Variants in SPATA13 observed in about 807,000 individuals in gnomAD.
SPATA13 encodes spermatogenesis associated 13.
Under a neutral mutation model 104.0 loss-of-function variants are expected in SPATA13, and 50 were observed. That is an observed-to-expected ratio of 0.48 (90% CI 0.38 to 0.61). The LOEUF is 0.61. Among genes scored for constraint, SPATA13 ranks in the 20% least tolerant of loss-of-function variants. The pLI is 0.00. For missense variants in SPATA13, 1,524 were observed against 1,690.6 expected, an observed-to-expected ratio of 0.90 and a Z score of 1.73; for synonymous variants, 606 against 667.5, an observed-to-expected ratio of 0.91 and a Z score of 1.42.
At chr13:24,152,838 T>G (rs185218221) in intron 3 of SPATA13, among the ~76,000 whole-genome samples, 37 of 151,216 alleles carry the variant, frequency 2.4e-4, no homozygotes, top group African/African-American at 8.1e-4. Flanking sequence ...CAGCTTTCTC[T>G]CTCTCTCTCT....
intron 1 of SPATA13, among the ~76,000 whole-genome samples, chr13:24,184,071 T>G (rs759520061): frequency 6.6e-6 from 1 of 152,046 alleles, no homozygotes; most frequent in Non-Finnish European, 1.5e-5. Flanking sequence ...TTGAGAAGTG[T>G]GGAGGAGAGC....
intron 2 of SPATA13, among the ~76,000 whole-genome samples, chr13:24,226,771 GC>G (rs1368581248): frequency 6.6e-6 from 1 of 152,218 alleles, no homozygotes. Context: ...AGCCAGGACA[GC>G]CTCTGCACTG....
intron 1 of SPATA13, among the ~76,000 whole-genome samples, chr13:24,176,171 T>C (rs535084300): frequency 6.6e-6 from 1 of 152,338 alleles, no homozygotes; most frequent in African/African-American, 2.4e-5. Context: ...TTTTTTGTTT[T>C]ATTTCTTGAG....
intron 3 of SPATA13, among the ~76,000 whole-genome samples, chr13:24,112,621 G>T (rs1190724592): frequency 1.3e-5 from 2 of 152,098 alleles, no homozygotes; most frequent in Non-Finnish European, 2.9e-5. Flanking sequence ...GTTCTTATCA[G>T]CTAAACACAA....
intron 1 of SPATA13, among the ~76,000 whole-genome samples, chr13:24,191,233 C>T (rs1243114252): frequency 6.6e-6 from 1 of 152,114 alleles, no homozygotes. Context: ...GCCTCGGCCT[C>T]CCAAAATGTT....
chr13:24,090,976 A>G (rs1228662937), intron 3 of SPATA13, among the ~76,000 whole-genome samples: 1 of 152,190 alleles, frequency 6.6e-6, no homozygotes, highest in Non-Finnish European at 1.5e-5. Context: ...GTCTGATTCT[A>G]TAAAGTCTGC....
intron 3 of SPATA13, among the ~76,000 whole-genome samples, chr13:24,077,262 C>CAAAAAAA (rs60810328): frequency 2.1e-4 from 15 of 73,006 alleles, no homozygotes; most frequent in East Asian, 4.2e-4. Context: ...GACTCCATGT[C>CAAAAAAA]AAAAAAAAAA....
intron 3 of SPATA13, chr13:24,017,818 C>G (rs994329012): frequency 2.2e-6 from 1 of 450,294 alleles, no homozygotes; most frequent in Non-Finnish European, 2.9e-6. Flanking sequence ...CATATGTTAC[C>G]TCTGTAACAT....
intron 3 of SPATA13, among the ~76,000 whole-genome samples, chr13:24,024,780 G>A (rs1057213426): frequency 4.0e-5 from 6 of 151,416 alleles, no homozygotes; most frequent in African/African-American, 7.3e-5. Context: ...TTTGCCTGCC[G>A]GGTGCAGTGG....
chr13:24,169,847 C>T (rs1882896197), intron 1 of SPATA13, among the ~76,000 whole-genome samples: 1 of 152,176 alleles, frequency 6.6e-6, no homozygotes, highest in Non-Finnish European at 1.5e-5. Flanking sequence ...GCTGCTCTGC[C>T]TGCAGACTCC....
Position 24,303,203 on chromosome 13 carries a change from C to T in SPATA13, c.*430C>T, listed in dbSNP as rs557112894. 9 of 404,116 alleles carry T rather than the reference C, an allele frequency of 2.2e-5. No homozygotes were observed. Among genetic ancestry groups the T allele is most frequent in the African/African-American group, 1.0e-4 (5 of 48,552 alleles). 25.0% of individuals were successfully genotyped at this position (404,116 alleles called of 1,614,324 possible). On this transcript the variant is annotated 3_prime_UTR_variant, in exon 13 of 13. Transcript: ENST00000382108. ...TTCTGCATTTGATTTTCAAGGATGC[C>T]GTCAAGACGGGGTTGACACAATGCT...
At chr13:24,085,316 A>G (rs1313890738) in intron 3 of SPATA13, among the ~76,000 whole-genome samples, 5 of 152,120 alleles carry the variant, frequency 3.3e-5, no homozygotes, top group African/African-American at 1.2e-4. Flanking sequence ...TAGTAGAGAC[A>G]GGGTTTCGCC....
chr13:24,041,888 T>C (rs1454513674), intron 3 of SPATA13, among the ~76,000 whole-genome samples: 1 of 152,154 alleles, frequency 6.6e-6, no homozygotes, highest in Admixed American at 6.5e-5. Context: ...AAAGAGCAGG[T>C]GGAATCAGAG....
intron 9 of SPATA13, among the ~76,000 whole-genome samples, chr13:24,292,932 G>GT (rs945429291): frequency 5.4e-5 from 7 of 129,652 alleles, no homozygotes; most frequent in Non-Finnish European, 9.4e-5. Context: ...GGAGGCGGAG[G>GT]TTGCAATGAG....
chr13:24,247,478 CTT>C lies in SPATA13; in HGVS notation c.1654-1981_1654-1980del, dbSNP rs10625714. On this transcript the variant is annotated intron_variant, in intron 2 of 12. Coordinates refer to ENST00000382108, the MANE Select transcript of SPATA13 (RefSeq NM_001166271.3). ...CACTGTGCTCTTTGCTCCACATTCACTTTTTTTTTTTTTTTTTTTGAGACAGA... is the reference window on the plus strand; with the variant it reads ...CACTGTGCTCTTTGCTCCACATTCACTTTTTTTTTTTTTTTTTGAGACAGA... Among the ~76,000 whole-genome samples the C allele has an allele frequency of 8.3e-4, 72 of 87,116 alleles. 2 individuals are homozygous for C. The highest frequency in any genetic ancestry group is 1.4e-3 in the South Asian group (3 of 2,162). The allele number at this position is 87,116 out of a possible 152,430, so 57.2% of individuals were successfully genotyped here.
At chr13:24,010,411 G>T (rs1168175358) in intron 2 of SPATA13, among the ~76,000 whole-genome samples, 1 of 150,844 alleles carries the variant, frequency 6.6e-6, no homozygotes, top group Non-Finnish European at 1.5e-5. Context: ...TTAGGGTAAA[G>T]ATCTTGAGGA....
intron 4 of SPATA13, among the ~76,000 whole-genome samples, chr13:24,254,180 G>C (rs1278974969): frequency 6.7e-6 from 1 of 148,542 alleles, no homozygotes; most frequent in South Asian, 2.2e-4. Flanking sequence ...GCCAGCCTTG[G>C]TTCTGATTCA....
At chr13:24,055,135 C>T (rs1878494534) in intron 3 of SPATA13, among the ~76,000 whole-genome samples, 1 of 152,190 alleles carries the variant, frequency 6.6e-6, no homozygotes, top group Non-Finnish European at 1.5e-5. Context: ...TGGCACAGAG[C>T]GATCAGCCTG....
intron 3 of SPATA13, chr13:24,121,944 T>A (rs1303456954): frequency 2.3e-5 from 16 of 701,980 alleles, no homozygotes; most frequent in African/African-American, 5.3e-5. Flanking sequence ...GGGTTGTTGT[T>A]TCTTTTGTCC....
Sources: gnomAD v4.1 joint callset for allele counts (sites outside exome capture counted in the v4.1 genomes callset) on GRCh38, gnomAD v4.1.1 for gene constraint, MANE v1.5 for transcripts, NCBI Gene and HGNC (gene_info 2026-07-23, HGNC 2026-07-21) for gene names.